The following RANBP17 variants were observed in gnomAD, a reference collection of about 807,000 sequenced individuals.
The protein encoded by RANBP17 is ran-binding protein 17.
A neutral mutation model predicts 141.2 loss-of-function variants in RANBP17; 158 were observed. The ratio of observed to expected loss-of-function variants is 1.12; its 90% CI spans 0.98 to 1.28. The LOEUF (loss-of-function observed/expected upper bound fraction) is 1.28. RANBP17 is among the 50% of genes most tolerant of loss of function. RANBP17 has a pLI of 0.00. For missense variants in RANBP17, 1,438 were observed against 1,290.7 expected, an observed-to-expected ratio of 1.11 and a Z score of -1.75; for synonymous variants, 430 against 450.0, an observed-to-expected ratio of 0.96 and a Z score of 0.56.
intron 3 of RANBP17, among the ~76,000 whole-genome samples, chr5:170,884,325 T>A (rs1768970213): frequency 6.6e-6 from 1 of 152,198 alleles, no homozygotes; most frequent in Non-Finnish European, 1.5e-5. Context: ...AAAACTTAAC[T>A]GCTTATAGTC....
chr5:171,043,511 A>G (rs918468965), intron 14 of RANBP17, among the ~76,000 whole-genome samples: 1 of 152,160 alleles, frequency 6.6e-6, no homozygotes, highest in African/African-American at 2.4e-5. Flanking sequence ...GCCATATGCC[A>G]TTCATTTGGG....
intron 16 of RANBP17, among the ~76,000 whole-genome samples, chr5:171,173,499 A>G (rs1760237290): frequency 6.6e-6 from 1 of 152,024 alleles, no homozygotes; most frequent in African/African-American, 2.4e-5. Flanking sequence ...ATGTCTTCAG[A>G]TACTTTCTGT....
At chr5:171,133,034 C>T (rs1425422357) in intron 14 of RANBP17, among the ~76,000 whole-genome samples, 4 of 151,884 alleles carry the variant, frequency 2.6e-5, no homozygotes, top group East Asian at 3.9e-4. Context: ...TACAGGGGCC[C>T]GCCATCACGC....
intron 7 of RANBP17, 101 bp from the exon 8 acceptor site, chr5:170,914,066 A>T (rs562374612): frequency 1.3e-6 from 1 of 758,344 alleles, no homozygotes; most frequent in African/African-American, 1.7e-5. Flanking sequence ...GAATGGCCAC[A>T]TGCAGAGGCC....
intron 14 of RANBP17, among the ~76,000 whole-genome samples, chr5:171,119,013 A>T (rs1222400155): frequency 6.6e-6 from 1 of 152,154 alleles, no homozygotes; most frequent in Non-Finnish European, 1.5e-5. Context: ...ATAAAGGAAA[A>T]GCTTTGAGAT....
Position 171,015,957 on chromosome 5 carries a change from A to T in RANBP17, c.1710+47580A>T, listed in dbSNP as rs144059775. Among the ~76,000 whole-genome samples the T allele has an allele frequency of 1.9e-3, 287 of 152,274 alleles. 1 individual carries two copies. Among genetic ancestry groups the T allele is most frequent in the African/African-American group, 6.1e-3 (255 of 41,546 alleles). On this transcript the variant is annotated intron_variant, in intron 14 of 27. Transcript: ENST00000523189. ...CCCTCTGTAACATTGGATGCATGAT[A>T]TCTCACATGCATGTGTTGATTGATC...
intron 14 of RANBP17, among the ~76,000 whole-genome samples, chr5:171,051,391 TC>T (rs1782942865): frequency 1.3e-5 from 2 of 152,166 alleles, no homozygotes; most frequent in Admixed American, 1.3e-4. Flanking sequence ...CACTCTCTAT[TC>T]TTTATTTCCC....
At chr5:171,148,599 G>T (rs992573705) in intron 14 of RANBP17, among the ~76,000 whole-genome samples, 1 of 150,476 alleles carries the variant, frequency 6.6e-6, no homozygotes, top group Non-Finnish European at 1.5e-5. Context: ...TATCTGTATT[G>T]ATATATATAT....
chr5:171,172,764 G>C (rs1033157877), intron 16 of RANBP17, among the ~76,000 whole-genome samples: 20 of 151,582 alleles, frequency 1.3e-4, no homozygotes, highest in African/African-American at 4.1e-4. Context: ...AATTTGATTT[G>C]TATTCTTTTA....
At chr5:171,202,862 A>G (rs1581013861) in intron 19 of RANBP17, among the ~76,000 whole-genome samples, 1 of 152,332 alleles carries the variant, frequency 6.6e-6, no homozygotes, top group East Asian at 1.9e-4. Context: ...TAGTAGAATT[A>G]TGAGGATAAT....
chr5:171,021,737 T>G (rs1780870628), intron 14 of RANBP17, among the ~76,000 whole-genome samples: 1 of 152,166 alleles, frequency 6.6e-6, no homozygotes. Flanking sequence ...CTCAGCATAG[T>G]TTTCTGTTAC....
chr5:171,139,776 TACA>T (rs1307149690), intron 14 of RANBP17, among the ~76,000 whole-genome samples: 1 of 152,218 alleles, frequency 6.6e-6, no homozygotes, highest in African/African-American at 2.4e-5. Context: ...TTGTGCATTG[TACA>T]ATTGTAGCCA....
intron 12 of RANBP17, among the ~76,000 whole-genome samples, chr5:170,925,494 G>A (rs1041041624): frequency 1.3e-5 from 2 of 151,930 alleles, no homozygotes; most frequent in East Asian, 3.9e-4. Flanking sequence ...GAAGAGTTTT[G>A]AAAGTTATTA....
intron 24 of RANBP17, among the ~76,000 whole-genome samples, chr5:171,259,173 C>G (rs141261260): frequency 4.5e-4 from 69 of 152,220 alleles, no homozygotes; most frequent in Admixed American, 1.4e-3. Flanking sequence ...AGTGAGATAC[C>G]ATCTTACCCC....
At chr5:170,922,908 A>G (rs1367633509) in intron 11 of RANBP17, among the ~76,000 whole-genome samples, 1 of 152,114 alleles carries the variant, frequency 6.6e-6, no homozygotes, top group African/African-American at 2.4e-5. Context: ...CATTGATCTC[A>G]CTGGGGGCTG....
intron 14 of RANBP17, among the ~76,000 whole-genome samples, chr5:171,155,550 C>A (rs1311230680): frequency 6.6e-6 from 1 of 152,170 alleles, no homozygotes; most frequent in South Asian, 2.1e-4. Flanking sequence ...TCCCCTAATT[C>A]CATAATCTGT....
At chr5:171,042,911 G>A (rs1025764567) in intron 14 of RANBP17, among the ~76,000 whole-genome samples, 2 of 152,192 alleles carry the variant, frequency 1.3e-5, no homozygotes, top group South Asian at 2.1e-4. Flanking sequence ...ATTTTCTGCA[G>A]TATCTTCTAA....
chr5:171,252,752 G>T, intron 24 of RANBP17: 2 of 1,373,028 alleles, frequency 1.5e-6, no homozygotes, highest in Non-Finnish European at 2.1e-6. Context: ...AGACTTATTT[G>T]TAGACTTGCT....
intron 13 of RANBP17, among the ~76,000 whole-genome samples, chr5:170,963,356 A>C (rs1776283564): frequency 6.6e-6 from 1 of 152,230 alleles, no homozygotes; most frequent in Non-Finnish European, 1.5e-5. Flanking sequence ...TAAATGTAGA[A>C]AACAAGAATC....
Sources: gnomAD v4.1 joint callset for allele counts (sites outside exome capture counted in the v4.1 genomes callset) on GRCh38, gnomAD v4.1.1 for gene constraint, MANE v1.5 for transcripts, NCBI Gene and HGNC (gene_info 2026-07-23, HGNC 2026-07-21) for gene names.